The following NELL1 variants were observed in gnomAD, a reference collection of about 807,000 sequenced individuals.
NELL1 encodes neural EGFL like 1.
NELL1 carries 76 observed loss-of-function variants against 107.4 expected under a neutral mutation model. That is an observed-to-expected ratio of 0.71 (90% confidence interval 0.59 to 0.86). The LOEUF (loss-of-function observed/expected upper bound fraction) is 0.86, where lower values mean the gene tolerates loss of function less well. Ranked by LOEUF, NELL1 falls within the 40% of genes least tolerant of loss-of-function variation. The pLI is 0.00. For missense variants in NELL1, 1,024 were observed against 1,005.5 expected (o/e 1.02, Z -0.25); for synonymous variants, 353 against 341.2 (o/e 1.03, Z -0.38).
intron 14 of NELL1, among the ~76,000 whole-genome samples, chr11:21,246,925 C>G (rs748050490): frequency 6.6e-6 from 1 of 152,118 alleles, no homozygotes; most frequent in Non-Finnish European, 1.5e-5. Flanking sequence ...ATGGGGGAAC[C>G]GCCCCCATGA....
chr11:20,878,081 C>T (rs568213392), intron 4 of NELL1, among the ~76,000 whole-genome samples: 26 of 152,182 alleles, frequency 1.7e-4, no homozygotes, highest in East Asian at 5.8e-4. Context: ...GCCATTTGGG[C>T]CGGGCGCGGT....
chr11:21,219,211 T>C (rs1279612709), intron 13 of NELL1, among the ~76,000 whole-genome samples: 3 of 152,170 alleles, frequency 2.0e-5, no homozygotes, highest in Non-Finnish European at 2.9e-5. Context: ...TACTTTTGAT[T>C]TTCATTTCCT....
intron 12 of NELL1, among the ~76,000 whole-genome samples, chr11:21,020,194 TA>T (rs1268475208): frequency 6.6e-6 from 1 of 152,122 alleles, no homozygotes; most frequent in Non-Finnish European, 1.5e-5. Context: ...AGTAAGTGCT[TA>T]GCAGCTGTTA....
intron 12 of NELL1, among the ~76,000 whole-genome samples, chr11:21,053,262 C>T (rs1174511578): frequency 6.6e-6 from 1 of 152,016 alleles, no homozygotes; most frequent in Non-Finnish European, 1.5e-5. Flanking sequence ...TAATGCTATC[C>T]CTCCCCTAGC....
At chr11:21,131,593 G>A (rs995282901) in intron 13 of NELL1, among the ~76,000 whole-genome samples, 1 of 152,182 alleles carries the variant, frequency 6.6e-6, no homozygotes, top group Non-Finnish European at 1.5e-5. Flanking sequence ...CACAGTGCTT[G>A]CTACAATGAT....
chr11:21,573,952 C>G (rs1857162534), intron 19 of NELL1, among the ~76,000 whole-genome samples: 1 of 151,796 alleles, frequency 6.6e-6, no homozygotes, highest in East Asian at 2.0e-4. Context: ...CTTGCTACAG[C>G]ATTTCATTAA....
chr11:21,165,242 G>A (rs910022343), intron 13 of NELL1, among the ~76,000 whole-genome samples: 4 of 152,162 alleles, frequency 2.6e-5, no homozygotes, highest in Non-Finnish European at 4.4e-5. Context: ...AACTGCTGAG[G>A]TCTATGGCCT....
chr11:20,741,386 C>G (rs999534721), intron 2 of NELL1, among the ~76,000 whole-genome samples: 2 of 152,080 alleles, frequency 1.3e-5, no homozygotes, highest in African/African-American at 4.8e-5. Flanking sequence ...ACTGTGTCAC[C>G]TGGCAGAAGG....
intron 15 of NELL1, among the ~76,000 whole-genome samples, chr11:21,519,569 C>A (rs1376298493): frequency 6.7e-6 from 1 of 148,456 alleles, no homozygotes; most frequent in Non-Finnish European, 1.5e-5. Context: ...ATTAAGAGGG[C>A]AATACTCTTT....
chr11:21,522,384 G>A (rs372432352), intron 15 of NELL1, among the ~76,000 whole-genome samples: 15 of 152,256 alleles, frequency 9.9e-5, no homozygotes, highest in South Asian at 4.1e-4. Flanking sequence ...CTATTTAGCC[G>A]TAAAAAATGA....
At position 20,989,952 on chromosome 11, in the gene NELL1, G is replaced by A. The variant is rs183241887; in HGVS notation, c.1300+29392G>A. ...GCAGAGCTTGCAGTGAGCCGAGATC[G>A]CGCCACTGCACTCCAGCCTGGGAGA... is the stretch of plus-strand genomic sequence containing the variant. On this transcript the variant is annotated intron_variant, in intron 12 of 19. Coordinates refer to ENST00000357134, the MANE Select transcript of NELL1 (RefSeq NM_006157.5). 5.6e-3 allele frequency among the ~76,000 whole-genome samples: 831 copies of A among 149,564 alleles called. 12 individuals are homozygous for A. The highest frequency in any genetic ancestry group is 0.019 in the African/African-American group (788 of 40,420).
intron 12 of NELL1, among the ~76,000 whole-genome samples, chr11:21,034,360 T>A (rs971739844): frequency 1.3e-5 from 2 of 152,144 alleles, no homozygotes; most frequent in African/African-American, 2.4e-5. Context: ...TCTGTTCCAT[T>A]GGTCTGTGTG....
chr11:20,795,129 T>A (rs1009475059), intron 3 of NELL1, among the ~76,000 whole-genome samples: 15 of 152,322 alleles, frequency 9.8e-5, no homozygotes, highest in African/African-American at 3.6e-4. Context: ...TCTCACCTGG[T>A]GGGAACCCAG....
At chr11:21,455,318 T>C (rs1853699066) in intron 15 of NELL1, among the ~76,000 whole-genome samples, 1 of 103,796 alleles carries the variant, frequency 9.6e-6, no homozygotes, top group Non-Finnish European at 1.8e-5. Context: ...TTTTCTTTTA[T>C]TCTTTTTTTT....
At chr11:21,367,597 C>T (rs145524356) in intron 14 of NELL1, among the ~76,000 whole-genome samples, 78 of 152,144 alleles carry the variant, frequency 5.1e-4, no homozygotes, top group Non-Finnish European at 9.4e-4. Flanking sequence ...AAAGCAGAGT[C>T]CTGGTGATAA....
rs751963462 is a variant in NELL1 at position 21,570,780 on chromosome 11, G to T, written c.1997G>T (p.Cys666Phe). Residue 666 changes from cysteine (C) to phenylalanine (F), a missense_variant, in exon 18 of 20, where the codon TGC becomes TTC. Cys to Phe is a radical substitution (Grantham distance 205, BLOSUM62 -2). Transcript: ENST00000357134. The part of the protein sequence containing the change: ...VCSCKDGKIF[C>F]RRTACDCQNP... Reference sequence around the variant, plus strand: ...TCTAAACAGGATGGCAAGATATTCTGCCGACGGACAGCTTGTGATTGCCAG... The same window carrying T: ...TCTAAACAGGATGGCAAGATATTCTTCCGACGGACAGCTTGTGATTGCCAG... The T allele has an allele frequency of 1.9e-6, 3 of 1,611,398 alleles. No homozygotes were observed. Among genetic ancestry groups the T allele is most frequent in the Non-Finnish European group, 2.5e-6 (3 of 1,178,424 alleles).
intron 7 of NELL1, 86 bp from the exon 8 acceptor site, chr11:20,927,222 A>G (rs1850516191): frequency 1.5e-6 from 2 of 1,310,840 alleles, no homozygotes; most frequent in South Asian, 2.9e-5. Flanking sequence ...CTCTTCTCAG[A>G]AGGATTTTTT....
At chr11:21,550,458 G>T (rs961096410) in intron 16 of NELL1, among the ~76,000 whole-genome samples, 2 of 151,980 alleles carry the variant, frequency 1.3e-5, no homozygotes, top group Non-Finnish European at 2.9e-5. Context: ...TTCTTCTAGG[G>T]TTTTTATGCT....
chr11:21,261,384 C>T (rs1848527993), intron 14 of NELL1, among the ~76,000 whole-genome samples: 1 of 151,688 alleles, frequency 6.6e-6, no homozygotes, highest in Non-Finnish European at 1.5e-5. Flanking sequence ...GTGTGTTGTT[C>T]CCCTCTACAT....
Sources: allele counts gnomAD v4.1 joint callset (sites outside exome capture counted in the v4.1 genomes callset), GRCh38; gene constraint gnomAD v4.1.1; transcripts MANE v1.5; gene names NCBI Gene and HGNC (gene_info 2026-07-23, HGNC 2026-07-21).